The following KCNQ1 variants were observed in gnomAD, a reference collection of about 807,000 sequenced individuals.
KCNQ1 encodes the protein potassium voltage-gated channel subfamily Q member 1.
KCNQ1 carries 49 observed loss-of-function variants against 72.4 expected under a neutral mutation model. That is an observed-to-expected ratio of 0.68 (90% CI 0.54 to 0.86). The LOEUF (loss-of-function observed/expected upper bound fraction) is 0.86, where lower values mean the gene tolerates loss of function less well. KCNQ1 is among the 40% of genes least tolerant of loss of function. The probability of loss-of-function intolerance (pLI) is 0.00; values close to 1 mark genes in which losing one functional copy is unlikely to be tolerated. For synonymous variants in KCNQ1, 450 were observed against 412.6 expected, an observed-to-expected ratio of 1.09 and a Z score of -1.10; for missense variants, 790 against 945.1, an observed-to-expected ratio of 0.84 and a Z score of 2.15.
In KCNQ1 at chr11:2,483,637, C is replaced by T. The variant is rs1441803675; in HGVS notation, c.386+38153C>T. On this transcript the variant is annotated intron_variant, in intron 1 of 15. Coordinates refer to ENST00000155840, the MANE Select transcript of KCNQ1 (RefSeq NM_000218.3). The surrounding 1 kb of genome is among the most constrained non-coding windows in gnomAD (Gnocchi z 6.1). ...GGCGGCTGTTTTGTAGAACGTCCCT[C>T]GGTTTGGATTCTCTGATATGCTCTC... is the stretch of plus-strand genomic sequence containing the variant. Among the ~76,000 whole-genome samples, 1 of 152,120 alleles carries T rather than the reference C, an allele frequency of 6.6e-6. No homozygotes were observed. The highest frequency in any genetic ancestry group is 6.6e-5 in the Admixed American group (1 of 15,266).
chr11:2,657,458 G>T lies in KCNQ1; in HGVS notation c.1394-4503G>T, dbSNP rs1234120971. 1 of 398,330 alleles carries T rather than the reference G, an allele frequency of 2.5e-6. No individual in the cohort carries two copies. The highest frequency in any genetic ancestry group is 4.4e-6 in the Non-Finnish European group (1 of 226,024). 24.7% of individuals were successfully genotyped at this position (398,330 alleles called of 1,614,324 possible). A position where few individuals can be genotyped will look rare whatever the true frequency, so the allele number is the denominator to read the frequency against. On this transcript the variant is annotated intron_variant, in intron 10 of 15. Transcript: ENST00000155840. This position sits in a 1 kb window ranked among gnomAD's most constrained non-coding sequence, Gnocchi z 4.8. Reference sequence around the variant, plus strand: ...ATAATTAATATTCTTTTGTGCTATTGTATACAGGTTCTGTTTTCTCTTGTT... The same window carrying T: ...ATAATTAATATTCTTTTGTGCTATTTTATACAGGTTCTGTTTTCTCTTGTT...
In KCNQ1 at chr11:2,536,645, C is replaced by T. The variant is rs1254748583; in HGVS notation, c.477+8627C>T. On this transcript the variant is annotated intron_variant, in intron 2 of 15. Coordinates refer to ENST00000155840, the MANE Select transcript of KCNQ1 (RefSeq NM_000218.3). This position sits in a 1 kb window ranked among gnomAD's most constrained non-coding sequence, Gnocchi z 7.4. The stretch of plus-strand genomic sequence containing the variant: ...TGGTTTGGGCCACAGCAGTGGCTTC[C>T]CAGGCTGGGCTTCAAAACCGGACAC... Among the ~76,000 whole-genome samples, 5 of 152,188 alleles carry T rather than the reference C, an allele frequency of 3.3e-5. No individual in the cohort carries two copies. Among genetic ancestry groups the T allele is most frequent in the Non-Finnish European group, 5.9e-5 (4 of 68,022 alleles).
Position 2,540,857 on chromosome 11 carries a change from C to T in KCNQ1, c.477+12839C>T, listed in dbSNP as rs545534885. Among the ~76,000 whole-genome samples, 26 of 152,298 alleles carry T rather than the reference C, an allele frequency of 1.7e-4. No homozygotes were observed. In the South Asian group the frequency reaches 2.7e-3, roughly 16 times the overall value. ...CTGTTGGGCTGAGAAAAGTCCTGGG[C>T]GGCTGTGAGCTGGTGGTGAGTTTTC... On this transcript the variant is annotated intron_variant, in intron 2 of 15. Transcript: ENST00000155840.
chr11:2,521,719 G>A, intron 1 of KCNQ1: 1 of 345,196 alleles, frequency 2.9e-6, no homozygotes. Flanking sequence ...CGCCCCCCAT[G>A]GGCTAAAGAG....
intron 15 of KCNQ1, among the ~76,000 whole-genome samples, chr11:2,843,121 C>A (rs962094024): frequency 1.3e-5 from 2 of 152,274 alleles, no homozygotes; most frequent in Admixed American, 1.3e-4. Flanking sequence ...TCCAGCAGGG[C>A]AGCTGCCCCA....
At chr11:2,609,846 T>C (rs1848949371) in intron 10 of KCNQ1, 2 of 398,210 alleles carry the variant, frequency 5.0e-6, no homozygotes, top group East Asian at 7.2e-5. Context: ...AGGTTACTTA[T>C]GGTTGCTGCT....
At position 2,471,095 on chromosome 11, in the gene KCNQ1, T is replaced by C. The variant is rs1002380651; in HGVS notation, c.386+25611T>C. 3.3e-5 allele frequency among the ~76,000 whole-genome samples: 5 copies of C among 151,448 alleles called. No individual in the cohort carries two copies. The highest frequency in any genetic ancestry group is 6.6e-5 in the Admixed American group (1 of 15,220). ...TGGCCCTCCTCCCTCCACAGCAGAG[T>C]TCTACCCGCCCTCACCACCCTGTAT... is the stretch of plus-strand genomic sequence containing the variant. On this transcript the variant is annotated intron_variant, in intron 1 of 15. Coordinates refer to ENST00000155840, the MANE Select transcript of KCNQ1 (RefSeq NM_000218.3). This position sits in a 1 kb window ranked among gnomAD's most constrained non-coding sequence, Gnocchi z 4.8.
At chr11:2,684,625 G>A (rs2133884625) in intron 11 of KCNQ1, 1 of 398,682 alleles carries the variant, frequency 2.5e-6, no homozygotes, top group African/African-American at 2.1e-5. Context: ...TTGAGGCTAA[G>A]CCTTCCTTGA....
At position 2,624,617 on chromosome 11, in the gene KCNQ1, T is replaced by TG. The variant is rs1193939828; in HGVS notation, c.1393+35764dup. On this transcript the variant is annotated intron_variant, in intron 10 of 15. Coordinates refer to ENST00000155840, the MANE Select transcript of KCNQ1 (RefSeq NM_000218.3). This position sits in a 1 kb window ranked among gnomAD's most constrained non-coding sequence, Gnocchi z 4.9. Reference sequence around the variant, plus strand: ...AAATTACCATCCTAACCAATTTTAGTGTACAATTCAGTGAATGTATTAGAT... The same window carrying TG: ...AAATTACCATCCTAACCAATTTTAGTGGTACAATTCAGTGAATGTATTAGAT... The TG allele has an allele frequency of 1.0e-5, 4 of 398,444 alleles. No homozygotes were observed. Among genetic ancestry groups the TG allele is most frequent in the Non-Finnish European group, 1.8e-5 (4 of 226,044 alleles). The allele number at this position is 398,444 out of a possible 1,614,324, so 24.7% of individuals were successfully genotyped here.
intron 15 of KCNQ1, among the ~76,000 whole-genome samples, chr11:2,779,035 G>A (rs532385659): frequency 3.9e-5 from 6 of 152,362 alleles, no homozygotes; most frequent in East Asian, 1.9e-4. Flanking sequence ...CAGAAAGAGC[G>A]AAGGCTGGTG....
rs1045258147 is a variant in KCNQ1 at position 2,712,048 on chromosome 11, G to T, written c.1514+49967G>T. ...CTGAATCTCTACCCATCTGTAAAAA[G>T]GAGAAATCGTTTCTGTGCTCCCTGC... On this transcript the variant is annotated intron_variant, in intron 11 of 15. Coordinates refer to ENST00000155840, the MANE Select transcript of KCNQ1 (RefSeq NM_000218.3). This position sits in a 1 kb window ranked among gnomAD's most constrained non-coding sequence, Gnocchi z 6.4. 1.3e-5 allele frequency among the ~76,000 whole-genome samples: 2 copies of T among 152,156 alleles called. No homozygotes were observed. Among genetic ancestry groups the T allele is most frequent in the African/African-American group, 4.8e-5 (2 of 41,414 alleles).
intron 1 of KCNQ1, among the ~76,000 whole-genome samples, chr11:2,521,297 G>A (rs780467046): frequency 6.6e-6 from 1 of 151,952 alleles, no homozygotes; most frequent in Non-Finnish European, 1.5e-5. Flanking sequence ...CCTCTCCCTC[G>A]GCCCCGCTGT....
chr11:2,470,547 G>A (rs1043075171), intron 1 of KCNQ1, among the ~76,000 whole-genome samples: 1 of 152,088 alleles, frequency 6.6e-6, no homozygotes, highest in Non-Finnish European at 1.5e-5. Flanking sequence ...GAAAAGGCTG[G>A]TTTCTGTTCA....
At chr11:2,811,809 C>G (rs115381332) in intron 15 of KCNQ1, among the ~76,000 whole-genome samples, 2,850 of 152,274 alleles carry the variant, frequency 0.019, 82 homozygotes, top group African/African-American at 0.065. Context: ...GAGGAGGGGC[C>G]GGCGAAAGCC....
chr11:2,741,023 A>C (rs1846041102), intron 11 of KCNQ1, among the ~76,000 whole-genome samples: 1 of 152,140 alleles, frequency 6.6e-6, no homozygotes, highest in Non-Finnish European at 1.5e-5. Context: ...CGTGAGTTCC[A>C]AGGATTAGGG....
rs1376077100 is a variant in KCNQ1 at position 2,713,847 on chromosome 11, A to G, written c.1514+51766A>G. On this transcript the variant is annotated intron_variant, in intron 11 of 15. Transcript: ENST00000155840. The surrounding 1 kb of genome is among the most constrained non-coding windows in gnomAD (Gnocchi z 5.6). ...TCTGGCCGTCTTACATTACTGCAATATTGCTTCCAGATGGGCAAACGCGCG... is the reference window on the plus strand; with the variant it reads ...TCTGGCCGTCTTACATTACTGCAATGTTGCTTCCAGATGGGCAAACGCGCG... Among the ~76,000 whole-genome samples the G allele has an allele frequency of 1.3e-5, 2 of 152,214 alleles. No individual in the cohort carries two copies. The highest frequency in any genetic ancestry group is 4.8e-5 in the African/African-American group (2 of 41,460).
rs961681872 is a variant in KCNQ1 at position 2,772,960 on chromosome 11, T to C, written c.1591-3000T>C. Reference sequence around the variant, plus strand: ...CTCACCACCATGACTCATGCCATGTTCAATGTGTTCTGAAGAGAGGCTTCG... The same window carrying C: ...CTCACCACCATGACTCATGCCATGTCCAATGTGTTCTGAAGAGAGGCTTCG... On this transcript the variant is annotated intron_variant, in intron 12 of 15. Transcript: ENST00000155840. This position sits in a 1 kb window ranked among gnomAD's most constrained non-coding sequence, Gnocchi z 6.6. Among the ~76,000 whole-genome samples, 4 of 152,164 alleles carry C rather than the reference T, an allele frequency of 2.6e-5. No individual in the cohort carries two copies. The highest frequency in any genetic ancestry group is 9.7e-5 in the African/African-American group (4 of 41,438).
intron 2 of KCNQ1, among the ~76,000 whole-genome samples, chr11:2,569,010 G>A (rs1159926689): frequency 6.6e-6 from 1 of 152,114 alleles, no homozygotes; most frequent in Non-Finnish European, 1.5e-5. Context: ...TCAGCCTCCT[G>A]AGTAGCTGGG....
rs1851017064 is a variant in KCNQ1 at position 2,712,072 on chromosome 11, G to A, written c.1514+49991G>A. On this transcript the variant is annotated intron_variant, in intron 11 of 15. Coordinates refer to ENST00000155840, the MANE Select transcript of KCNQ1 (RefSeq NM_000218.3). The surrounding 1 kb of genome is among the most constrained non-coding windows in gnomAD (Gnocchi z 6.4). ...AGGAGAAATCGTTTCTGTGCTCCCT[G>A]CCTCCCAGAGAGCCAGGGAGAGGCC... 6.6e-6 allele frequency among the ~76,000 whole-genome samples: 1 copy of A among 152,154 alleles called. No homozygotes were observed. Among genetic ancestry groups the A allele is most frequent in the South Asian group, 2.1e-4 (1 of 4,828 alleles).
Sources: allele counts gnomAD v4.1 joint callset (sites outside exome capture counted in the v4.1 genomes callset), GRCh38; gene constraint gnomAD v4.1.1; non-coding constraint Gnocchi (gnomAD v3.1); transcripts MANE v1.5; gene names NCBI Gene and HGNC (gene_info 2026-07-23, HGNC 2026-07-21).